The following NCOA2 variants were observed in gnomAD, a reference collection of about 807,000 sequenced individuals.
NCOA2 encodes class E basic helix-loop-helix protein 75.
NCOA2 carries 21 observed loss-of-function variants against 145.1 expected under a neutral mutation model. The observed-to-expected ratio is 0.14, with a 90% CI of 0.10 to 0.21. The LOEUF (loss-of-function observed/expected upper bound fraction) is 0.21, where lower values mean the gene tolerates loss of function less well. Among genes scored for constraint, NCOA2 ranks in the 10% least tolerant of loss-of-function variants. The pLI is 1.00. For synonymous variants in NCOA2, 619 were observed against 637.5 expected (o/e 0.97, Z 0.44); for missense variants, 1,472 against 1,837.6 (o/e 0.80, Z 3.64).
the NCOA2 span, among the ~76,000 whole-genome samples, chr8:70,426,043 C>A: frequency 3.9e-5 from 6 of 152,314 alleles, no homozygotes; most frequent in Non-Finnish European, 8.8e-5. Context: ...TGAAATAAAT[C>A]TGAGCAGAGA....
intron 1 of NCOA2, among the ~76,000 whole-genome samples, chr8:70,345,966 T>C (rs6472518): frequency 0.027 from 4,045 of 152,278 alleles, 168 homozygotes; most frequent in African/African-American, 0.092. Flanking sequence ...GTGATTGTTG[T>C]AGTCTCACGA....
Position 70,292,549 on chromosome 8 carries a change from G to GAA in NCOA2, c.-20+4193_-20+4194dup, listed in dbSNP as rs199760603. Among the ~76,000 whole-genome samples the GAA allele has an allele frequency of 1.0e-3, 104 of 101,398 alleles. No individual in the cohort carries two copies. In the East Asian group the frequency reaches 0.012, roughly 12 times the overall value. 66.5% of individuals were successfully genotyped at this position (101,398 alleles called of 152,430 possible). ...CTGGGCAACAAAGACTCCATCTCAG[G>GAA]AAAAAAAAAAAAAAAAAGAATCAGA... On this transcript the variant is annotated intron_variant, in intron 2 of 22. Coordinates refer to ENST00000452400, the MANE Select transcript of NCOA2 (RefSeq NM_006540.4).
chr8:70,270,121 G>A (rs1824929556), intron 2 of NCOA2, among the ~76,000 whole-genome samples: 1 of 151,940 alleles, frequency 6.6e-6, no homozygotes, highest in Middle Eastern at 3.2e-3. Flanking sequence ...GGTCGAGGCT[G>A]CAGTGAGCAG....
intron 4 of NCOA2, among the ~76,000 whole-genome samples, chr8:70,194,676 C>CTTTTTTTTTT (rs199803538): frequency 1.1e-4 from 12 of 109,906 alleles, no homozygotes; most frequent in South Asian, 5.9e-4. Context: ...CTTTTATCTT[C>CTTTTTTTTTT]TTTTTTTTTT....
intron 1 of NCOA2, among the ~76,000 whole-genome samples, chr8:70,385,017 T>C (rs538184263): frequency 6.6e-6 from 1 of 152,350 alleles, no homozygotes; most frequent in South Asian, 2.1e-4. Context: ...AATGTATCCT[T>C]ATGGACTACA....
At chr8:70,355,540 T>A (rs896711456) in intron 1 of NCOA2, among the ~76,000 whole-genome samples, 10 of 152,184 alleles carry the variant, frequency 6.6e-5, no homozygotes, top group African/African-American at 2.4e-4. Flanking sequence ...CAACACAAAC[T>A]CATAAACTTT....
rs1033972975 is a variant in NCOA2 at position 70,159,642 on chromosome 8, T to C, written c.987A>G (p.Gln329=). ...GATAGATTTGACTGAATGCCAATCC[T>C]TGTCTCAGTACTGCAGGCAAGCAAG... is the stretch of plus-strand genomic sequence containing the variant. The part of the protein sequence containing the change: ...AKRHHHEVLR[Q]GLAFSQIYRF... The change falls in exon 10 of 23, where the codon CAA becomes CAG. Residue 329 remains glutamine, a synonymous_variant. Coordinates refer to ENST00000452400, the MANE Select transcript of NCOA2 (RefSeq NM_006540.4). 3 of 1,612,356 alleles carry C rather than the reference T, an allele frequency of 1.9e-6. No homozygotes were observed. Among genetic ancestry groups the C allele is most frequent in the Non-Finnish European group, 2.5e-6 (3 of 1,178,640 alleles).
At chr8:70,326,473 G>GCACACACACACACACACA (rs771384690) in intron 1 of NCOA2, among the ~76,000 whole-genome samples, 1 of 143,424 alleles carries the variant, frequency 7.0e-6, no homozygotes, top group African/African-American at 2.5e-5. Context: ...ACACACACAT[G>GCACACACACACACACACA]CACACACACA....
chr8:70,213,623 G>A (rs144278201), intron 4 of NCOA2, among the ~76,000 whole-genome samples: 4 of 152,290 alleles, frequency 2.6e-5, no homozygotes, highest in African/African-American at 9.6e-5. Context: ...ACAGTGTGGG[G>A]AGGAGAATTG....
intron 2 of NCOA2, among the ~76,000 whole-genome samples, chr8:70,235,925 C>A (rs1288921730): frequency 6.6e-6 from 1 of 152,178 alleles, no homozygotes; most frequent in Non-Finnish European, 1.5e-5. Flanking sequence ...TTTATAGTAT[C>A]TTTGGTGGTA....
At chr8:70,190,097 C>G (rs1816518463) in intron 4 of NCOA2, among the ~76,000 whole-genome samples, 1 of 152,112 alleles carries the variant, frequency 6.6e-6, no homozygotes, top group African/African-American at 2.4e-5. Context: ...TGAAGTATAA[C>G]AGCTCAAAAA....
chr8:70,139,757 A>G (rs1810166587), intron 14 of NCOA2, among the ~76,000 whole-genome samples: 1 of 148,350 alleles, frequency 6.7e-6, no homozygotes, highest in Admixed American at 6.8e-5. Context: ...GGTTCAAGCA[A>G]TTTCCCTACC....
At chr8:70,423,555 T>C in the NCOA2 span, among the ~76,000 whole-genome samples, 1 of 152,150 alleles carries the variant, frequency 6.6e-6, no homozygotes, top group African/African-American at 2.4e-5. Context: ...TGCTGCAGTG[T>C]GTGAAATGGT....
At chr8:70,363,501 A>G (rs1434805217) in intron 1 of NCOA2, among the ~76,000 whole-genome samples, 1 of 152,196 alleles carries the variant, frequency 6.6e-6, no homozygotes, top group Non-Finnish European at 1.5e-5. Flanking sequence ...AAAAGTTTAT[A>G]GCAACTTTAT....
chr8:70,178,684 A>G (rs1176051668), intron 4 of NCOA2, among the ~76,000 whole-genome samples: 1 of 152,252 alleles, frequency 6.6e-6, no homozygotes, highest in Admixed American at 6.5e-5. Flanking sequence ...AGGGCTAAAC[A>G]GCAAGCCCTC....
intron 16 of NCOA2, 57 bp from the exon 17 acceptor site, chr8:70,129,037 C>A: frequency 1.4e-6 from 2 of 1,477,842 alleles, no homozygotes; most frequent in Non-Finnish European, 1.8e-6. Flanking sequence ...ACAGCAGAGT[C>A]AATATAAGGC....
intron 1 of NCOA2, among the ~76,000 whole-genome samples, chr8:70,336,607 A>AGAGT (rs147980681): frequency 0.072 from 6,889 of 95,262 alleles, 257 homozygotes; most frequent in East Asian, 0.33. Flanking sequence ...AGACAGAGAC[A>AGAGT]GAGAGGGAGA....
chr8:70,247,263 T>C (rs770185154), intron 2 of NCOA2, among the ~76,000 whole-genome samples: 1 of 152,138 alleles, frequency 6.6e-6, no homozygotes, highest in Non-Finnish European at 1.5e-5. Flanking sequence ...GAAATTCAAT[T>C]AGGAAATAAA....
intron 2 of NCOA2, among the ~76,000 whole-genome samples, chr8:70,269,478 A>T (rs931091924): frequency 6.6e-6 from 1 of 152,150 alleles, no homozygotes; most frequent in African/African-American, 2.4e-5. Flanking sequence ...AATTTAAATT[A>T]AAAAAAGAAA....
Sources: gnomAD v4.1 joint callset for allele counts (sites outside exome capture counted in the v4.1 genomes callset) on GRCh38, gnomAD v4.1.1 for gene constraint, MANE v1.5 for transcripts, NCBI Gene and HGNC (gene_info 2026-07-23, HGNC 2026-07-21) for gene names.